The following PIGK variants were observed in gnomAD, a reference collection of about 807,000 sequenced individuals.
The protein encoded by PIGK is GPI-anchor transamidase.
PIGK carries 42 observed loss-of-function variants against 50.6 expected under a neutral mutation model. That is an observed-to-expected ratio of 0.83 (90% CI 0.65 to 1.07). The LOEUF is 1.07. Among genes scored for constraint, PIGK ranks in the 50% least tolerant of loss-of-function variants. The probability of loss-of-function intolerance (pLI) is 0.00; values close to 1 mark genes in which losing one functional copy is unlikely to be tolerated. For synonymous variants in PIGK, 151 were observed against 156.0 expected, an observed-to-expected ratio of 0.97 and a Z score of 0.24; for missense variants, 448 against 488.7, an observed-to-expected ratio of 0.92 and a Z score of 0.78.
chr1:77,149,089 A>G (rs934520765), intron 9 of PIGK, among the ~76,000 whole-genome samples: 2 of 152,208 alleles, frequency 1.3e-5, no homozygotes, highest in African/African-American at 2.4e-5. Context: ...GCAAAAACCT[A>G]TAATAGATAC....
At chr1:77,130,443 C>T (rs562348312) in intron 9 of PIGK, among the ~76,000 whole-genome samples, 5 of 151,430 alleles carry the variant, frequency 3.3e-5, no homozygotes, top group Non-Finnish European at 5.9e-5. Flanking sequence ...CATGGCAAAC[C>T]AATTGCTTCA....
chr1:77,138,839 C>A (rs968393020), intron 9 of PIGK, among the ~76,000 whole-genome samples: 2 of 152,122 alleles, frequency 1.3e-5, no homozygotes, highest in African/African-American at 4.8e-5. Context: ...AATCTAGTAT[C>A]ACTTCAACTG....
intron 10 of PIGK, among the ~76,000 whole-genome samples, chr1:77,107,225 TA>T (rs1653706030): frequency 6.6e-6 from 1 of 152,222 alleles, no homozygotes; most frequent in African/African-American, 2.4e-5. Context: ...TGTGGGCATT[TA>T]GTGCTATAAA....
rs1436108161 is a variant in PIGK, at chr1:77,188,333, C to G, written c.239+18307G>C. ...GAGGTATAGGCTTATAAACAGCCCC[C>G]CCAGGTGCGCCTGTCTCTTATGTCG... On this transcript the variant is annotated intron_variant, in intron 3 of 10. Coordinates refer to ENST00000370812, the MANE Select transcript of PIGK (RefSeq NM_005482.3). Among the ~76,000 whole-genome samples, 4 of 152,124 alleles carry G rather than the reference C, an allele frequency of 2.6e-5. No homozygotes were observed. In the South Asian group the frequency reaches 8.3e-4, roughly 32 times the overall value.
chr1:77,108,332 A>T (rs183957030), intron 10 of PIGK, among the ~76,000 whole-genome samples: 3 of 152,174 alleles, frequency 2.0e-5, no homozygotes, highest in Admixed American at 6.6e-5. Context: ...AGGATTTTAT[A>T]TCTCCTTCAC....
At chr1:77,159,292 G>A (rs908065592) in intron 8 of PIGK, among the ~76,000 whole-genome samples, 1 of 152,152 alleles carries the variant, frequency 6.6e-6, no homozygotes, top group African/African-American at 2.4e-5. Context: ...GATTTCAGAG[G>A]ATGTATGGAA....
chr1:77,196,394 T>A (rs554643434), intron 3 of PIGK, among the ~76,000 whole-genome samples: 61 of 152,294 alleles, frequency 4.0e-4, no homozygotes, highest in African/African-American at 1.4e-3. Context: ...TTGACAAATC[T>A]CCAAACTACT....
intron 9 of PIGK, among the ~76,000 whole-genome samples, chr1:77,125,802 T>C (rs1654217992): frequency 6.6e-6 from 1 of 152,178 alleles, no homozygotes; most frequent in South Asian, 2.1e-4. Context: ...AAATACCATA[T>C]CTGTTAATTT....
intron 9 of PIGK, among the ~76,000 whole-genome samples, chr1:77,134,346 T>C (rs1246328709): frequency 6.6e-6 from 1 of 152,230 alleles, no homozygotes; most frequent in Non-Finnish European, 1.5e-5. Context: ...ATAGCTCTGG[T>C]TATCAGATGT....
intron 2 of PIGK, 61 bp from the exon 3 acceptor site, chr1:77,206,792 G>T: frequency 2.0e-6 from 2 of 980,312 alleles, no homozygotes; most frequent in Non-Finnish European, 3.3e-6. Flanking sequence ...GAGCTGCAGA[G>T]TATTTTTCTT....
At chr1:77,131,684 T>C (rs1235840721) in intron 9 of PIGK, among the ~76,000 whole-genome samples, 6 of 152,120 alleles carry the variant, frequency 3.9e-5, no homozygotes, top group East Asian at 3.8e-4. Flanking sequence ...TCATTTAATG[T>C]ATTGATATGA....
chr1:77,172,800 TGTA>T (rs1655397130), intron 3 of PIGK, among the ~76,000 whole-genome samples: 1 of 152,008 alleles, frequency 6.6e-6, no homozygotes, highest in Non-Finnish European at 1.5e-5. Context: ...GGCAGGTGCC[TGTA>T]CTCCCAGCTA....
At chr1:77,208,320 G>A (rs1656338357) in intron 2 of PIGK, among the ~76,000 whole-genome samples, 1 of 152,048 alleles carries the variant, frequency 6.6e-6, no homozygotes, top group African/African-American at 2.4e-5. Flanking sequence ...AAAGAAAACT[G>A]TAGTTGTAAT....
At position 77,214,462 on chromosome 1, in the gene PIGK, G is replaced by A. The variant is rs570329864; in HGVS notation, c.94-3973C>T. ...TTGATAAAATTCAACATCCCCTCACGATAAAAACTCTCAACAAATTGGGTA... is the reference window on the plus strand; with the variant it reads ...TTGATAAAATTCAACATCCCCTCACAATAAAAACTCTCAACAAATTGGGTA... On this transcript the variant is annotated intron_variant, in intron 1 of 10. Transcript: ENST00000370812. Among the ~76,000 whole-genome samples, 9 of 152,092 alleles carry A rather than the reference G, an allele frequency of 5.9e-5. No individual in the cohort carries two copies. The South Asian group carries it at 1.2e-3, about 21-fold the overall frequency.
chr1:77,163,753 T>G, intron 6 of PIGK, 93 bp downstream of exon 6: 1 of 695,730 alleles, frequency 1.4e-6, no homozygotes, highest in Non-Finnish European at 2.4e-6. Flanking sequence ...CAAAATAAGT[T>G]AAAAATCTTA....
At position 77,190,907 on chromosome 1, in the gene PIGK, C is replaced by T. The variant is rs139201775; in HGVS notation, c.239+15733G>A. Among the ~76,000 whole-genome samples, 300 of 152,254 alleles carry T rather than the reference C, an allele frequency of 2.0e-3. 2 individuals are homozygous for T. The highest frequency in any genetic ancestry group is 6.8e-3 in the African/African-American group (284 of 41,552). The stretch of plus-strand genomic sequence containing the variant: ...TGCTTCACCTCTACCTTCAAATATT[C>T]CCCAATGTTAATCAGTCTTCCAATA... On this transcript the variant is annotated intron_variant, in intron 3 of 10. Transcript: ENST00000370812.
In PIGK at chr1:77,091,048, G is replaced by A. The variant is rs1016817407; in HGVS notation, c.*1326C>T. ...GAGGTTTTCTTGTGGAGGAAGAGTT[G>A]TCTTAATGTTACCTACAATTATAAA... On this transcript the variant is annotated 3_prime_UTR_variant, in exon 11 of 11. Coordinates refer to ENST00000370812, the MANE Select transcript of PIGK (RefSeq NM_005482.3). 1.1e-4 allele frequency: 16 copies of A among 152,070 alleles called. No homozygotes were observed. The highest frequency in any genetic ancestry group is 3.9e-4 in the African/African-American group (16 of 41,402). 9.4% of individuals were successfully genotyped at this position (152,070 alleles called of 1,614,324 possible). A position where few individuals can be genotyped will look rare whatever the true frequency, so the allele number is the denominator to read the frequency against.
chr1:77,213,145 G>A (rs981084919), intron 1 of PIGK, among the ~76,000 whole-genome samples: 3 of 151,974 alleles, frequency 2.0e-5, no homozygotes, highest in Non-Finnish European at 2.9e-5. Context: ...GGCTGGTCTC[G>A]AACTCCTGAC....
At position 77,091,081 on chromosome 1, in the gene PIGK, TAAAA is replaced by T. The variant is rs565388889; in HGVS notation, c.*1289_*1292del. ...GTTACCTACAATTATAAACAAAATTTAAAAAAAAATCTTTGCACTGAATAAAGAT... is the reference window on the plus strand; with the variant it reads ...GTTACCTACAATTATAAACAAAATTTAAAAATCTTTGCACTGAATAAAGAT... On this transcript the variant is annotated 3_prime_UTR_variant, in exon 11 of 11. Coordinates refer to ENST00000370812, the MANE Select transcript of PIGK (RefSeq NM_005482.3). The T allele has an allele frequency of 3.3e-5, 5 of 151,740 alleles. No homozygotes were observed. Among genetic ancestry groups the T allele is most frequent in the African/African-American group, 1.2e-4 (5 of 41,356 alleles). The allele number at this position is 151,740 out of a possible 1,614,324, so 9.4% of individuals were successfully genotyped here.
Sources: gnomAD v4.1 joint callset for allele counts (sites outside exome capture counted in the v4.1 genomes callset) on GRCh38, gnomAD v4.1.1 for gene constraint, MANE v1.5 for transcripts, NCBI Gene and HGNC (gene_info 2026-07-23, HGNC 2026-07-21) for gene names.